Variants in SMARCD3 observed in about 807,000 individuals in gnomAD.
The protein encoded by SMARCD3 is SWI/SNF related BAF chromatin remodeling complex subunit D3, also known as SWI/SNF-related matrix-associated actin-dependent regulator of chromatin subfamily D member 3.
Under a neutral mutation model 58.0 loss-of-function variants are expected in SMARCD3, and 14 were observed. The ratio of observed to expected loss-of-function variants is 0.24; its 90% confidence interval spans 0.16 to 0.38. The LOEUF (loss-of-function observed/expected upper bound fraction) is 0.38. Ranked by LOEUF, SMARCD3 falls within the 10% of genes least tolerant of loss-of-function variation. SMARCD3 has a pLI of 1.00. For synonymous variants in SMARCD3, 253 were observed against 253.8 expected, an observed-to-expected ratio of 1.00 and a Z score of 0.03; for missense variants, 408 against 636.9, an observed-to-expected ratio of 0.64 and a Z score of 3.87.
Position 151,242,570 on chromosome 7 carries a change from T to C in SMARCD3, c.490A>G (p.Thr164Ala). The C allele has an allele frequency of 6.2e-7, 1 of 1,613,834 alleles. No homozygotes were observed. The highest frequency in any genetic ancestry group is 8.5e-7 in the Non-Finnish European group (1 of 1,179,812). Reference protein sequence around the residue: ...KRKLRLYISNTFNPAKPDAED... With the variant: ...KRKLRLYISNAFNPAKPDAED... ...GCATCAGGCTTCGCAGGGTTAAAAG[T>C]GTTGGAGATATAGAGTCGCAGCTTC... The change falls in exon 5 of 13, where the codon ACT becomes GCT. Residue 164 changes from threonine (T) to alanine (A), a missense_variant. By Grantham distance (58) the Thr-to-Ala change is moderately conservative. Around this residue, in one of 4 missense-constraint regions of SMARCD3, gnomAD observed 128 missense variants for 188.8 expected, o/e 0.68. Transcript: ENST00000262188. This position sits in a 1 kb window ranked among gnomAD's most constrained non-coding sequence, Gnocchi z 4.7.
chr7:151,244,119 G>A (rs551694467), intron 2 of SMARCD3, among the ~76,000 whole-genome samples: 19 of 152,328 alleles, frequency 1.2e-4, no homozygotes, highest in African/African-American at 4.6e-4. Context: ...AGGGGCCTAA[G>A]CTCAGAGGGA....
chr7:151,238,913 C>T lies in SMARCD3; in HGVS notation c.*190G>A. ...CCCGAGGGACCCACTGCCTCCCCACCTTCTTCCCTTCCCCTTCTCTCCCCC... is the reference window on the plus strand; with the variant it reads ...CCCGAGGGACCCACTGCCTCCCCACTTTCTTCCCTTCCCCTTCTCTCCCCC... On this transcript the variant is annotated 3_prime_UTR_variant, in exon 13 of 13. Coordinates refer to ENST00000262188, the MANE Select transcript of SMARCD3 (RefSeq NM_001003801.2). 9.2e-7 allele frequency: 1 copy of T among 1,086,240 alleles called. No homozygotes were observed. The highest frequency in any genetic ancestry group is 1.3e-6 in the Non-Finnish European group (1 of 745,778). 67.3% of individuals were successfully genotyped at this position (1,086,240 alleles called of 1,614,324 possible). A position where few individuals can be genotyped will look rare whatever the true frequency, so the allele number is the denominator to read the frequency against.
intron 2 of SMARCD3, among the ~76,000 whole-genome samples, chr7:151,269,357 C>T (rs1364000691): frequency 3.3e-5 from 5 of 152,220 alleles, no homozygotes; most frequent in African/African-American, 1.2e-4. Context: ...CCCTCGAGTC[C>T]CCTGCTGTGG....
chr7:151,275,385 G>A, intron 1 of SMARCD3: 1 of 557,422 alleles, frequency 1.8e-6, no homozygotes, highest in East Asian at 2.9e-5. Context: ...GCCTAGGATG[G>A]AGGCAACCAG....
intron 1 of SMARCD3, among the ~76,000 whole-genome samples, chr7:151,247,781 C>G (rs1334493066): frequency 6.6e-6 from 1 of 152,104 alleles, no homozygotes; most frequent in Non-Finnish European, 1.5e-5. Flanking sequence ...TGTGGCAGGA[C>G]AGTGCTCCCC....
chr7:151,273,860 C>T (rs1795252557), intron 2 of SMARCD3, among the ~76,000 whole-genome samples: 2 of 152,186 alleles, frequency 1.3e-5, no homozygotes, highest in African/African-American at 4.8e-5. Flanking sequence ...TTGCCCTGGG[C>T]CTGCACCTCA....
Position 151,241,949 on chromosome 7 carries a change from C to A in SMARCD3, c.705G>T (p.Thr235=), listed in dbSNP as rs140296892. ...EWHRTPTTQE[T]DGFQVKRPGD... is the part of the protein sequence containing the mutation. ...CAGGCCGTTTCACCTGGAAGCCGTC[C>A]GTCTCCTGGGTCGTGGGTGTCCGAT... Residue 235 remains threonine, a synonymous_variant, in exon 7 of 13, where the codon ACG becomes ACT. Coordinates refer to ENST00000262188, the MANE Select transcript of SMARCD3 (RefSeq NM_001003801.2). The surrounding 1 kb of genome is among the most constrained non-coding windows in gnomAD (Gnocchi z 5.3). The A allele has an allele frequency of 4.3e-6, 7 of 1,612,576 alleles. No individual in the cohort carries two copies. The highest frequency in any genetic ancestry group is 5.9e-6 in the Non-Finnish European group (7 of 1,179,396).
chr7:151,242,537 A>C lies in SMARCD3; in HGVS notation c.523T>G (p.Ser175Ala), dbSNP rs1308881559. 2 of 1,614,154 alleles carry C rather than the reference A, an allele frequency of 1.2e-6. No homozygotes were observed. The highest frequency in any genetic ancestry group is 1.7e-6 in the Non-Finnish European group (2 of 1,180,010). Residue 175 changes from serine to alanine, a missense_variant, in exon 5 of 13, where the codon TCC becomes GCC. This residue lies in a region of SMARCD3 where 128 missense variants were observed against 188.8 expected (regional missense o/e 0.68). Transcript: ENST00000262188. This position sits in a 1 kb window ranked among gnomAD's most constrained non-coding sequence, Gnocchi z 4.7. Reference sequence around the variant, plus strand: ...TCCCAGGAGGCAATGCTGCCGTCGGAATCCTCAGCATCAGGCTTCGCAGGG... The same window carrying C: ...TCCCAGGAGGCAATGCTGCCGTCGGCATCCTCAGCATCAGGCTTCGCAGGG... ...FNPAKPDAED[S>A]DGSIASWELR...
intron 2 of SMARCD3, among the ~76,000 whole-genome samples, chr7:151,264,498 G>A (rs996142018): frequency 9.2e-5 from 14 of 152,190 alleles, no homozygotes; most frequent in African/African-American, 2.4e-4. Flanking sequence ...AGCCCAGGGT[G>A]AGTGCTGTGA....
chr7:151,238,910 C>G lies in SMARCD3; in HGVS notation c.*193G>C. 9.0e-7 allele frequency: 1 copy of G among 1,107,606 alleles called. No homozygotes were observed. The highest frequency in any genetic ancestry group is 1.3e-6 in the Non-Finnish European group (1 of 765,890). The allele number at this position is 1,107,606 out of a possible 1,614,324, so 68.6% of individuals were successfully genotyped here. On this transcript the variant is annotated 3_prime_UTR_variant, in exon 13 of 13. Transcript: ENST00000262188. ...CGTCCCGAGGGACCCACTGCCTCCC[C>G]ACCTTCTTCCCTTCCCCTTCTCTCC...
In SMARCD3 at chr7:151,243,040, G is replaced by C. The variant is rs1803078457; in HGVS notation, c.334-197C>G. On this transcript the variant is annotated intron_variant, in intron 3 of 12. Transcript: ENST00000262188. The surrounding 1 kb of genome is among the most constrained non-coding windows in gnomAD (Gnocchi z 4.4). The stretch of plus-strand genomic sequence containing the variant: ...CAGCAGTAGGGGCCTTGCTGTGTAG[G>C]GATAACAATTGCTTCTCCCTTTAGG... Among the ~76,000 whole-genome samples the C allele has an allele frequency of 1.3e-5, 2 of 152,134 alleles. No homozygotes were observed.
chr7:151,273,309 C>T (rs2150618957), intron 2 of SMARCD3, among the ~76,000 whole-genome samples: 1 of 152,322 alleles, frequency 6.6e-6, no homozygotes, highest in Admixed American at 6.5e-5. Context: ...CCCCTGTGCC[C>T]ATCCTGCAGT....
chr7:151,262,898 C>T (rs1209661567), intron 2 of SMARCD3, among the ~76,000 whole-genome samples: 1 of 134,556 alleles, frequency 7.4e-6, no homozygotes, highest in Non-Finnish European at 1.6e-5. Flanking sequence ...TTTATCTTGG[C>T]GAGAGTCATG....
Position 151,245,365 on chromosome 7 carries a change from G to T in SMARCD3, c.290+95C>A. 1 of 461,302 alleles carries T rather than the reference G, an allele frequency of 2.2e-6. No homozygotes were observed. The allele number at this position is 461,302 out of a possible 1,614,324, so 28.6% of individuals were successfully genotyped here. On this transcript the variant is annotated intron_variant, in intron 2 of 12. Transcript: ENST00000262188. This position sits in a 1 kb window ranked among gnomAD's most constrained non-coding sequence, Gnocchi z 6.2. The stretch of plus-strand genomic sequence containing the variant: ...CGCTCCCTGCTAATCATTCTTCCTC[G>T]CCCCTTCCAATCCCCGCTACTCGCT...
rs1335525544 is a variant in SMARCD3 at position 151,240,539 on chromosome 7, G to A, written c.940-17C>T. The A allele has an allele frequency of 6.4e-7, 1 of 1,568,494 alleles. No individual in the cohort carries two copies. Among genetic ancestry groups the A allele is most frequent in the Non-Finnish European group, 8.8e-7 (1 of 1,140,486 alleles). On this transcript the variant is annotated splice_polypyrimidine_tract_variant and intron_variant, in intron 8 of 12. Transcript: ENST00000262188. ...ATCAAAAATCTGAAGCAGGACAATT[G>A]GGGAGAGAGAGATCACTCTTCTTGA...
At chr7:151,262,709 A>C (rs1803956266) in intron 2 of SMARCD3, among the ~76,000 whole-genome samples, 1 of 152,208 alleles carries the variant, frequency 6.6e-6, no homozygotes, top group Non-Finnish European at 1.5e-5. Context: ...AGGGTGGGGC[A>C]GGGCTACCCC....
chr7:151,274,387 G>A (rs968440898), intron 2 of SMARCD3, among the ~76,000 whole-genome samples: 2 of 152,258 alleles, frequency 1.3e-5, no homozygotes, highest in African/African-American at 4.8e-5. Flanking sequence ...CTGGACAAGT[G>A]GGGACTGATG....
intron 2 of SMARCD3, among the ~76,000 whole-genome samples, chr7:151,262,489 C>A (rs1803949437): frequency 6.6e-6 from 1 of 152,256 alleles, no homozygotes; most frequent in Admixed American, 6.5e-5. Context: ...GGCCTCCTCC[C>A]ACCCCATGTG....
intron 2 of SMARCD3, among the ~76,000 whole-genome samples, chr7:151,264,569 T>C (rs1450490886): frequency 6.6e-6 from 1 of 152,138 alleles, no homozygotes; most frequent in African/African-American, 2.4e-5. Context: ...GTAGGAACTG[T>C]GGGAGTTCCT....
Sources: gnomAD v4.1 joint callset for allele counts (sites outside exome capture counted in the v4.1 genomes callset) on GRCh38, gnomAD v4.1.1 for gene constraint, gnomAD v4.1.1 regional missense constraint, Gnocchi (gnomAD v3.1) non-coding constraint, MANE v1.5 for transcripts, NCBI Gene and HGNC (gene_info 2026-07-23, HGNC 2026-07-21) for gene names.